The following SNX29 variants were observed in gnomAD, a reference collection of about 807,000 sequenced individuals.
SNX29 encodes sorting nexin 29.
Under a neutral mutation model 102.1 loss-of-function variants are expected in SNX29, and 78 were observed. That is an observed-to-expected ratio of 0.76 (90% CI 0.64 to 0.92). The LOEUF (loss-of-function observed/expected upper bound fraction) is 0.92. SNX29 is among the 40% of genes least tolerant of loss of function. SNX29 has a pLI of 0.00. For missense variants in SNX29, 1,280 were observed against 1,061.7 expected (o/e 1.21, Z -2.86); for synonymous variants, 580 against 414.5 (o/e 1.40, Z -4.85).
At chr16:12,285,833 G>A (rs886331425) in intron 15 of SNX29, among the ~76,000 whole-genome samples, 1 of 152,150 alleles carries the variant, frequency 6.6e-6, no homozygotes, top group African/African-American at 2.4e-5. Flanking sequence ...AAAATGAAAG[G>A]TATGATGTTA....
intron 3 of SNX29, among the ~76,000 whole-genome samples, chr16:12,020,626 A>G (rs555221556): frequency 7.1e-6 from 1 of 140,612 alleles, no homozygotes; most frequent in Non-Finnish European, 1.6e-5. Context: ...CTCATGGCTC[A>G]TTTTTTTTTT....
At chr16:12,527,129 C>T in intron 20 of SNX29, 1 of 495,384 alleles carries the variant, frequency 2.0e-6, no homozygotes, top group East Asian at 4.0e-5. Flanking sequence ...CCTCACTGTT[C>T]CAAATCCCAC....
chr16:12,345,188 C>T (rs929854169), intron 15 of SNX29, among the ~76,000 whole-genome samples: 1 of 152,134 alleles, frequency 6.6e-6, no homozygotes, highest in Admixed American at 6.6e-5. Context: ...TGTGAACTGC[C>T]CAGGAGACAT....
rs185230932 is a variant in SNX29, at chr16:12,487,959, T to C, written c.2178+10100T>C. On this transcript the variant is annotated intron_variant, in intron 19 of 20. Coordinates refer to ENST00000566228, the MANE Select transcript of SNX29 (RefSeq NM_032167.5). ...AATACAGTAAAAGCCTCTTAAGATA[T>C]TTTCCAGGAGAGCAACCACTAACGT... Among the ~76,000 whole-genome samples, 31 of 152,246 alleles carry C rather than the reference T, an allele frequency of 2.0e-4. 2 individuals carry two copies. In the East Asian group the frequency reaches 5.0e-3, roughly 25 times the overall value.
At chr16:12,353,094 C>T (rs948177060) in intron 15 of SNX29, among the ~76,000 whole-genome samples, 1 of 152,162 alleles carries the variant, frequency 6.6e-6, no homozygotes, top group Non-Finnish European at 1.5e-5. Context: ...ACCCTGTCTT[C>T]TCTCCGAGTC....
At chr16:12,539,123 A>T (rs1256388979) in intron 20 of SNX29, among the ~76,000 whole-genome samples, 1 of 152,170 alleles carries the variant, frequency 6.6e-6, no homozygotes, top group Non-Finnish European at 1.5e-5. Context: ...TTCACAAAAA[A>T]TTTTTAATTT....
At chr16:12,056,179 G>A (rs745397563) in intron 8 of SNX29, among the ~76,000 whole-genome samples, 5 of 152,220 alleles carry the variant, frequency 3.3e-5, no homozygotes, top group African/African-American at 4.8e-5. Flanking sequence ...TCTGCACCTG[G>A]CCATGTGCCT....
chr16:12,201,153 G>A (rs1269999427), intron 14 of SNX29, among the ~76,000 whole-genome samples: 2 of 152,176 alleles, frequency 1.3e-5, no homozygotes, highest in African/African-American at 4.8e-5. Context: ...GTCAGTAACT[G>A]TGGTCATTCT....
At chr16:12,311,205 C>G (rs1055203141) in intron 15 of SNX29, among the ~76,000 whole-genome samples, 1 of 152,162 alleles carries the variant, frequency 6.6e-6, no homozygotes, top group Non-Finnish European at 1.5e-5. Context: ...ACCCCCCGCC[C>G]CCTACCCTAG....
At chr16:12,148,805 C>T (rs967614046) in intron 13 of SNX29, among the ~76,000 whole-genome samples, 14 of 152,292 alleles carry the variant, frequency 9.2e-5, no homozygotes, top group African/African-American at 2.6e-4. Flanking sequence ...TCAAGTGATT[C>T]TGCTGCCTCA....
At chr16:12,250,556 G>T (rs964975820) in intron 14 of SNX29, among the ~76,000 whole-genome samples, 4 of 152,204 alleles carry the variant, frequency 2.6e-5, no homozygotes, top group Non-Finnish European at 5.9e-5. Flanking sequence ...TGCTCCACTG[G>T]GTACTGGCTC....
intron 11 of SNX29, among the ~76,000 whole-genome samples, chr16:12,092,135 C>T (rs1243035159): frequency 6.6e-6 from 1 of 152,146 alleles, no homozygotes; most frequent in Non-Finnish European, 1.5e-5. Context: ...TCAGAGCCCC[C>T]TGTAACCTCA....
chr16:12,261,180 T>A (rs1414380217), intron 14 of SNX29, among the ~76,000 whole-genome samples: 1 of 146,874 alleles, frequency 6.8e-6, no homozygotes. Flanking sequence ...GGAGTGAGTG[T>A]TTGCTGAGCT....
At chr16:12,292,673 G>T (rs564959640) in intron 15 of SNX29, among the ~76,000 whole-genome samples, 1 of 152,210 alleles carries the variant, frequency 6.6e-6, no homozygotes, top group Non-Finnish European at 1.5e-5. Flanking sequence ...TGTAAAAAGC[G>T]TTGACTCCAG....
At chr16:12,301,613 G>A (rs975107210) in intron 15 of SNX29, among the ~76,000 whole-genome samples, 7 of 152,166 alleles carry the variant, frequency 4.6e-5, no homozygotes, top group East Asian at 1.9e-4. Context: ...CAGTCTTCTC[G>A]ATTACGTCGT....
intron 11 of SNX29, among the ~76,000 whole-genome samples, chr16:12,080,916 T>G (rs2151351955): frequency 6.7e-6 from 1 of 148,996 alleles, no homozygotes; most frequent in South Asian, 2.1e-4. Context: ...ACTCCTGACC[T>G]CATGATCTGC....
chr16:12,387,286 T>C (rs989983604), intron 16 of SNX29, among the ~76,000 whole-genome samples: 1 of 152,134 alleles, frequency 6.6e-6, no homozygotes, highest in Non-Finnish European at 1.5e-5. Context: ...CGAATGGTCC[T>C]AGGAGAGGCC....
Position 12,356,253 on chromosome 16 carries a change from C to G in SNX29, c.1873C>G (p.Gln625Glu). Residue 625 changes from glutamine to glutamate, a missense_variant, in exon 16 of 21, where the codon CAG becomes GAG. By Grantham distance (29) the Gln-to-Glu change is conservative. Coordinates refer to ENST00000566228, the MANE Select transcript of SNX29 (RefSeq NM_032167.5). ...GGAAGCCCTCGTGTCCCAGATGAGGCAGGAGCTCATCGATCTCCGGGGACC... is the reference window on the plus strand; with the variant it reads ...GGAAGCCCTCGTGTCCCAGATGAGGGAGGAGCTCATCGATCTCCGGGGACC... ...AKEALVSQMR[Q>E]ELIDLRGPVP... 6.2e-7 allele frequency: 1 copy of G among 1,611,382 alleles called. No individual in the cohort carries two copies. Among genetic ancestry groups the G allele is most frequent in the South Asian group, 1.1e-5 (1 of 90,214 alleles).
At chr16:12,223,977 A>T (rs964641763) in intron 14 of SNX29, among the ~76,000 whole-genome samples, 6 of 152,170 alleles carry the variant, frequency 3.9e-5, no homozygotes, top group African/African-American at 1.4e-4. Context: ...GCCCATGTGG[A>T]TAATGGAGGC....
Sources: allele counts gnomAD v4.1 joint callset (sites outside exome capture counted in the v4.1 genomes callset), GRCh38; gene constraint gnomAD v4.1.1; transcripts MANE v1.5; gene names NCBI Gene and HGNC (gene_info 2026-07-23, HGNC 2026-07-21).